PSPC1: variants seen among roughly 807,000 people sequenced by gnomAD.
PSPC1 encodes the protein paraspeckle protein 1.
Under a neutral mutation model 51.6 loss-of-function variants are expected in PSPC1, and 14 were observed. That is an observed-to-expected ratio of 0.27 (90% CI 0.18 to 0.42). PSPC1 has a LOEUF of 0.42. Ranked by LOEUF, PSPC1 falls within the 10% of genes least tolerant of loss-of-function variation. The pLI is 1.00. For synonymous variants in PSPC1, 193 were observed against 231.9 expected, an observed-to-expected ratio of 0.83 and a Z score of 1.53; for missense variants, 406 against 701.1, an observed-to-expected ratio of 0.58 and a Z score of 4.75.
intron 1 of PSPC1, among the ~76,000 whole-genome samples, chr13:19,781,235 T>C (rs1889937844): frequency 6.6e-6 from 1 of 151,472 alleles, no homozygotes; most frequent in Admixed American, 6.6e-5. Flanking sequence ...TGGAGTGCAG[T>C]GACGTGATCT....
intron 6 of PSPC1, among the ~76,000 whole-genome samples, chr13:19,693,893 A>G (rs1878859098): frequency 2.0e-5 from 3 of 151,992 alleles, no homozygotes; most frequent in African/African-American, 7.2e-5. Context: ...GGAGGCCGAG[A>G]TGGGCGGATC....
intron 5 of PSPC1, among the ~76,000 whole-genome samples, chr13:19,734,744 G>A (rs1009755926): frequency 1.3e-5 from 2 of 152,142 alleles, no homozygotes; most frequent in Non-Finnish European, 2.9e-5. Context: ...AGAGGTTACA[G>A]TGAGTCAAGA....
At chr13:19,762,420 C>T (rs541276574) in intron 2 of PSPC1, among the ~76,000 whole-genome samples, 6 of 152,180 alleles carry the variant, frequency 3.9e-5, no homozygotes, top group South Asian at 2.1e-4. Context: ...ATTAGCCAGG[C>T]GTGGTGGCAC....
At chr13:19,674,248 G>C (rs908082113), downstream of PSPC1, among the ~76,000 whole-genome samples, 2 of 151,152 alleles carry the variant, frequency 1.3e-5, no homozygotes, top group Admixed American at 1.3e-4. Flanking sequence ...ACGTCCTTTT[G>C]TCTGTTCTGC....
intron 1 of PSPC1, among the ~76,000 whole-genome samples, chr13:19,780,301 C>G (rs1317531690): frequency 3.6e-5 from 5 of 139,246 alleles, no homozygotes; most frequent in African/African-American, 1.3e-4. Context: ...ACCACCCCGT[C>G]TGGGAGGTGT....
At chr13:19,767,527 T>A (rs1207486246) in intron 2 of PSPC1, among the ~76,000 whole-genome samples, 3 of 152,090 alleles carry the variant, frequency 2.0e-5, no homozygotes, top group Non-Finnish European at 4.4e-5. Context: ...AAAAAATTTT[T>A]GAAAAAATAA....
At chr13:19,725,185 A>G (rs1883235013) in intron 6 of PSPC1, among the ~76,000 whole-genome samples, 1 of 152,084 alleles carries the variant, frequency 6.6e-6, no homozygotes, top group Non-Finnish European at 1.5e-5. Context: ...TCAAAAACGA[A>G]AAAAAGATTT....
chr13:19,682,961 G>A (rs900317113), intron 6 of PSPC1, among the ~76,000 whole-genome samples: 2 of 151,932 alleles, frequency 1.3e-5, no homozygotes, highest in Admixed American at 6.6e-5. Context: ...CCAGCTACTC[G>A]GGAGGCTGAG....
chr13:19,734,959 C>G lies in PSPC1; in HGVS notation c.1053-4615G>C, dbSNP rs1884591808. On this transcript the variant is annotated intron_variant, in intron 5 of 8. Coordinates refer to ENST00000338910, the MANE Select transcript of PSPC1 (RefSeq NM_001354909.2). ...CACCACTGCATTACAGCCTGAGCGACAGAGCGAGACTCCGTCTCAAAAAAT... is the reference window on the plus strand; with the variant it reads ...CACCACTGCATTACAGCCTGAGCGAGAGAGCGAGACTCCGTCTCAAAAAAT... Among the ~76,000 whole-genome samples the G allele has an allele frequency of 2.7e-5, 4 of 149,162 alleles. No individual in the cohort carries two copies. The South Asian group carries it at 8.5e-4, about 32-fold the overall frequency.
chr13:19,674,686 A>G (rs2137555667), downstream of PSPC1: 1 of 152,400 alleles, frequency 6.6e-6, no homozygotes, highest in East Asian at 1.9e-4. Flanking sequence ...GATGATTAGC[A>G]AAACAAGGAA....
chr13:19,778,900 G>C lies in PSPC1; in HGVS notation c.372+3486C>G, dbSNP rs1407539991. Among the ~76,000 whole-genome samples, 4 of 108,024 alleles carry C rather than the reference G, an allele frequency of 3.7e-5. 1 individual carries two copies. The highest frequency in any genetic ancestry group is 6.2e-5 in the Non-Finnish European group (3 of 48,712). 70.9% of individuals were successfully genotyped at this position (108,024 alleles called of 152,430 possible). On this transcript the variant is annotated intron_variant, in intron 1 of 8. Transcript: ENST00000338910. ...TGGAAAGTGAGGAGCATCTCCGCCC[G>C]GCCGCCATCCCATCTAGGAAGTGAG...
intron 4 of PSPC1, 85 bp from the exon 5 acceptor site, chr13:19,741,734 G>A (rs1175364222): frequency 1.3e-6 from 1 of 780,216 alleles, no homozygotes; most frequent in East Asian, 2.6e-5. Flanking sequence ...CTCTATCACT[G>A]GCAATATATT....
At chr13:19,777,507 A>G (rs1006419994) in intron 1 of PSPC1, among the ~76,000 whole-genome samples, 1 of 152,120 alleles carries the variant, frequency 6.6e-6, no homozygotes, top group African/African-American at 2.4e-5. Context: ...GATGTCCAAA[A>G]AATAAATAAA....
At chr13:19,716,456 CTT>C (rs1262747564) in intron 6 of PSPC1, among the ~76,000 whole-genome samples, 2 of 152,120 alleles carry the variant, frequency 1.3e-5, no homozygotes, top group African/African-American at 2.4e-5. Flanking sequence ...CAATATAACT[CTT>C]GTTTGAGTGA....
chr13:19,735,298 C>A (rs925448222), intron 5 of PSPC1, among the ~76,000 whole-genome samples: 6 of 151,874 alleles, frequency 4.0e-5, no homozygotes, highest in Non-Finnish European at 7.4e-5. Flanking sequence ...GCGACAAGAA[C>A]GAAACTCTGT....
chr13:19,775,279 G>C (rs1224088402), intron 1 of PSPC1, among the ~76,000 whole-genome samples: 1 of 151,996 alleles, frequency 6.6e-6, no homozygotes, highest in Non-Finnish European at 1.5e-5. Context: ...TTGAACCCGT[G>C]AGGCAGAGGT....
At chr13:19,741,728 A>G (rs1019527759) in intron 4 of PSPC1, 79 bp from the exon 5 acceptor site, 48 of 830,738 alleles carry the variant, frequency 5.8e-5, no homozygotes, top group African/African-American at 1.2e-4. Flanking sequence ...GAAGTTCTCT[A>G]TCACTGGCAA....
At chr13:19,719,339 T>A (rs933332888) in intron 6 of PSPC1, among the ~76,000 whole-genome samples, 6 of 152,076 alleles carry the variant, frequency 3.9e-5, no homozygotes, top group South Asian at 2.1e-4. Flanking sequence ...ACATTAAAAA[T>A]AATAATAATA....
intron 7 of PSPC1, chr13:19,675,536 G>C (rs1389073692): frequency 6.6e-6 from 1 of 151,978 alleles, no homozygotes; most frequent in Non-Finnish European, 1.5e-5. Context: ...TGCTATGATT[G>C]CCCAGACATC....
Sources: allele counts gnomAD v4.1 joint callset (sites outside exome capture counted in the v4.1 genomes callset), GRCh38; gene constraint gnomAD v4.1.1; transcripts MANE v1.5; gene names NCBI Gene and HGNC (gene_info 2026-07-23, HGNC 2026-07-21).